EFCAB11: variants seen among roughly 807,000 people sequenced by gnomAD.
The protein encoded by EFCAB11 is EF-hand calcium binding domain 11.
EFCAB11 carries 14 observed loss-of-function variants against 23.0 expected under a neutral mutation model. The observed-to-expected ratio is 0.61, with a 90% confidence interval of 0.40 to 0.95. The LOEUF is 0.95. EFCAB11 is among the 40% of genes least tolerant of loss of function. The pLI is 0.00. For synonymous variants in EFCAB11, 65 were observed against 66.6 expected (o/e 0.98, Z 0.11); for missense variants, 198 against 195.8 (o/e 1.01, Z -0.07).
intron 5 of EFCAB11, among the ~76,000 whole-genome samples, chr14:89,876,463 CAT>C (rs1888441199): frequency 6.6e-6 from 1 of 152,042 alleles, no homozygotes; most frequent in Admixed American, 6.6e-5. Context: ...AAAATGTGCA[CAT>C]GATTATATAT....
intron 5 of EFCAB11, among the ~76,000 whole-genome samples, chr14:89,844,631 C>T (rs892307332): frequency 1.3e-5 from 2 of 152,240 alleles, no homozygotes; most frequent in African/African-American, 4.8e-5. Flanking sequence ...TTCTGCATGG[C>T]TAACACTTCC....
chr14:89,813,450 A>T, intron 5 of EFCAB11, among the ~76,000 whole-genome samples: 1 of 152,254 alleles, frequency 6.6e-6, no homozygotes, highest in East Asian at 1.9e-4. Context: ...AGAGAGAAAC[A>T]GGGAAGAATC....
At chr14:89,940,693 T>C (rs556624185) in intron 3 of EFCAB11, among the ~76,000 whole-genome samples, 49 of 152,320 alleles carry the variant, frequency 3.2e-4, no homozygotes, top group African/African-American at 1.2e-3. Flanking sequence ...GGCAATAGTA[T>C]AAGGAAACAG....
chr14:89,858,047 A>G (rs980400072), intron 5 of EFCAB11, among the ~76,000 whole-genome samples: 1 of 152,218 alleles, frequency 6.6e-6, no homozygotes, highest in Non-Finnish European at 1.5e-5. Flanking sequence ...AGGCTGTGGC[A>G]GTTTTAAACT....
At chr14:89,870,112 T>C (rs1051991405) in intron 5 of EFCAB11, among the ~76,000 whole-genome samples, 1 of 152,224 alleles carries the variant, frequency 6.6e-6, no homozygotes. Context: ...TTCCCAAATG[T>C]CTCAAATTCC....
chr14:89,856,596 T>C (rs1887761355), intron 5 of EFCAB11, among the ~76,000 whole-genome samples: 1 of 152,212 alleles, frequency 6.6e-6, no homozygotes, highest in African/African-American at 2.4e-5. Context: ...CCAATATTGG[T>C]TATCTTTTAA....
At chr14:89,946,111 G>A (rs1890974283) in intron 3 of EFCAB11, among the ~76,000 whole-genome samples, 1 of 151,838 alleles carries the variant, frequency 6.6e-6, no homozygotes, top group Admixed American at 6.6e-5. Flanking sequence ...TCGTAAAGAC[G>A]GGGTTTCATC....
At chr14:89,866,903 G>A (rs901415119) in intron 5 of EFCAB11, among the ~76,000 whole-genome samples, 3 of 152,086 alleles carry the variant, frequency 2.0e-5, no homozygotes, top group South Asian at 2.1e-4. Flanking sequence ...CCTGAGTAGC[G>A]GGGATTACAG....
chr14:89,892,159 C>T lies in EFCAB11; in HGVS notation c.410+39382G>A, dbSNP rs1406274891. ...CTCAGGGCCCGGACAAGGTCATCTT[C>T]CTGCTGGTTGGCCACAAGAGTGACC... On this transcript the variant is annotated intron_variant, in intron 5 of 5. Transcript: ENST00000316738. 9 of 1,567,862 alleles carry T rather than the reference C, an allele frequency of 5.7e-6. No individual in the cohort carries two copies. In the East Asian group the frequency reaches 1.2e-4, roughly 21 times the overall value.
At chr14:89,880,881 ACTTACATAGATGC>A (rs755003700) in intron 5 of EFCAB11, among the ~76,000 whole-genome samples, 36 of 152,270 alleles carry the variant, frequency 2.4e-4, no homozygotes, top group Admixed American at 7.2e-4. Flanking sequence ...TCACTTAACC[ACTTACATAGATGC>A]CTACATGCAC....
rs559212720 is a variant in EFCAB11, at chr14:89,830,362, C to A, written c.411-33038G>T. 2.0e-5 allele frequency: 3 copies of A among 152,230 alleles called. No homozygotes were observed. In the South Asian group the frequency reaches 6.2e-4, roughly 32 times the overall value. 9.4% of individuals were successfully genotyped at this position (152,230 alleles called of 1,614,324 possible). On this transcript the variant is annotated intron_variant, in intron 5 of 5. Coordinates refer to ENST00000316738, the MANE Select transcript of EFCAB11 (RefSeq NM_145231.4). The stretch of plus-strand genomic sequence containing the variant: ...CATACTTTCAATGAACAAACACGAA[C>A]AATTTTTGTATCTTTTTTCCTATAC...
intron 5 of EFCAB11, among the ~76,000 whole-genome samples, chr14:89,860,366 A>AAAACAAACAAACAAACAAAC (rs372088634): frequency 6.6e-5 from 10 of 151,544 alleles, no homozygotes; most frequent in African/African-American, 2.4e-4. Flanking sequence ...ACTCCATCTC[A>AAAACAAACAAACAAACAAAC]AAACAAACAA....
chr14:89,852,772 CATAAT>C (rs1282026083), intron 5 of EFCAB11, among the ~76,000 whole-genome samples: 3 of 152,282 alleles, frequency 2.0e-5, no homozygotes, highest in African/African-American at 7.2e-5. Context: ...TTAAAATATA[CATAAT>C]ATAACATTTA....
At chr14:89,878,063 T>C (rs556835936) in intron 5 of EFCAB11, among the ~76,000 whole-genome samples, 1 of 152,318 alleles carries the variant, frequency 6.6e-6, no homozygotes, top group African/African-American at 2.4e-5. Context: ...TTGGTCATTT[T>C]CTCAAATGGA....
rs533712271 is a variant in EFCAB11, at chr14:89,869,136, G to C, written c.410+62405C>G. ...GAAGATCACTTGAGCCAAGGAGCTC[G>C]AGGCTGCAGTGATGCATGTTCACAA... is the stretch of plus-strand genomic sequence containing the variant. On this transcript the variant is annotated intron_variant, in intron 5 of 5. Transcript: ENST00000316738. Among the ~76,000 whole-genome samples, 6 of 152,256 alleles carry C rather than the reference G, an allele frequency of 3.9e-5. No homozygotes were observed. In the South Asian group the frequency reaches 1.2e-3, roughly 32 times the overall value.
Position 89,848,038 on chromosome 14 carries a change from A to G in EFCAB11, c.411-50714T>C, listed in dbSNP as rs149623652. On this transcript the variant is annotated intron_variant, in intron 5 of 5. Transcript: ENST00000316738. The stretch of plus-strand genomic sequence containing the variant: ...CAGGATTCTCTACCTAAGCTCCCCA[A>G]AGTAACTCAAACTTTACATATTAAA... 1.6e-3 allele frequency among the ~76,000 whole-genome samples: 240 copies of G among 152,312 alleles called. 2 individuals carry two copies. The highest frequency in any genetic ancestry group is 2.7e-3 in the Non-Finnish European group (186 of 68,022).
intron 5 of EFCAB11, among the ~76,000 whole-genome samples, chr14:89,877,534 C>A (rs1888477970): frequency 6.6e-6 from 1 of 152,170 alleles, no homozygotes; most frequent in African/African-American, 2.4e-5. Context: ...ATACCATTTT[C>A]CACAATTTAA....
chr14:89,826,954 C>T (rs1886710495), intron 5 of EFCAB11, among the ~76,000 whole-genome samples: 2 of 152,134 alleles, frequency 1.3e-5, no homozygotes, highest in South Asian at 4.1e-4. Context: ...GGGCCAAAGA[C>T]ACAATCAAAC....
intron 5 of EFCAB11, among the ~76,000 whole-genome samples, chr14:89,863,596 C>G (rs1273302517): frequency 1.3e-5 from 2 of 152,200 alleles, no homozygotes; most frequent in Non-Finnish European, 2.9e-5. Flanking sequence ...CTTTTCTTCC[C>G]AAAGAGATCA....
Sources: allele counts gnomAD v4.1 joint callset (sites outside exome capture counted in the v4.1 genomes callset), GRCh38; gene constraint gnomAD v4.1.1; transcripts MANE v1.5; gene names NCBI Gene and HGNC (gene_info 2026-07-23, HGNC 2026-07-21).